Variants in CARS2 observed in about 807,000 individuals in gnomAD.
CARS2 encodes the protein cysteinyl-tRNA synthetase 2, mitochondrial.
CARS2 carries 52 observed loss-of-function variants against 68.8 expected under a neutral mutation model. The observed-to-expected ratio is 0.76, with a 90% CI of 0.61 to 0.95. CARS2 has a LOEUF of 0.95. Ranked by LOEUF, CARS2 falls within the 40% of genes least tolerant of loss-of-function variation. CARS2 has a pLI of 0.00. For synonymous variants in CARS2, 314 were observed against 303.6 expected (o/e 1.03, Z -0.36); for missense variants, 780 against 754.2 (o/e 1.03, Z -0.40).
chr13:110,712,747 G>C (rs759190338), intron 1 of CARS2: 1 of 701,196 alleles, frequency 1.4e-6, no homozygotes, highest in Non-Finnish European at 2.6e-6. Flanking sequence ...CTCCGAGAAC[G>C]GTGTCCATGA....
chr13:110,692,964 G>C (rs890796973), intron 3 of CARS2, among the ~76,000 whole-genome samples: 8 of 151,706 alleles, frequency 5.3e-5, no homozygotes, highest in Admixed American at 3.9e-4. Flanking sequence ...ACAAAAATTA[G>C]CTGGGTGTGG....
chr13:110,647,611 G>C (rs924433002), intron 10 of CARS2, among the ~76,000 whole-genome samples: 3 of 116,374 alleles, frequency 2.6e-5, no homozygotes, highest in Non-Finnish European at 5.1e-5. Context: ...CTGGAAAGAG[G>C]GAGCCCCGCC....
chr13:110,712,477 A>C, intron 1 of CARS2: 1 of 210,178 alleles, frequency 4.8e-6, no homozygotes, highest in Non-Finnish European at 9.8e-6. Flanking sequence ...GCCAGGCGGG[A>C]AGTGCACAAA....
intron 9 of CARS2, 32 bp downstream of exon 9, chr13:110,663,419 A>T: frequency 6.3e-7 from 1 of 1,599,806 alleles, no homozygotes; most frequent in Admixed American, 1.8e-5. Flanking sequence ...AGCTATCGGC[A>T]CCTCAGAGAT....
intron 11 of CARS2, 45 bp from the exon 12 acceptor site, chr13:110,646,135 C>T (rs895092708): frequency 6.3e-7 from 1 of 1,583,486 alleles, no homozygotes; most frequent in Non-Finnish European, 8.6e-7. Context: ...GAGCTCCACT[C>T]TCCCCAGGCG....
In CARS2 at chr13:110,665,538, G is replaced by A. The variant is rs536727688; in HGVS notation, c.919+1802C>T. On this transcript the variant is annotated intron_variant, in intron 8 of 14. Transcript: ENST00000257347. This position sits in a 1 kb window ranked among gnomAD's most constrained non-coding sequence, Gnocchi z 4.3. ...GCCCCTCCTCATTACCTGACAGGAC[G>A]AAGCGTTGGCACAGCTAAGGCTGCC... 1.8e-5 allele frequency: 18 copies of A among 985,496 alleles called. No individual in the cohort carries two copies. The highest frequency in any genetic ancestry group is 1.1e-4 in the East Asian group (1 of 8,820). 61.0% of individuals were successfully genotyped at this position (985,496 alleles called of 1,614,324 possible).
chr13:110,657,138 T>C (rs186065582), intron 9 of CARS2, among the ~76,000 whole-genome samples: 13 of 120,192 alleles, frequency 1.1e-4, no homozygotes, highest in Non-Finnish European at 2.0e-4. Flanking sequence ...AAAGTTGATA[T>C]GCTCTTATGT....
chr13:110,652,850 T>C (rs1240827774), intron 9 of CARS2, among the ~76,000 whole-genome samples: 1 of 152,154 alleles, frequency 6.6e-6, no homozygotes, highest in Non-Finnish European at 1.5e-5. Context: ...TATGTGTTTA[T>C]TTCTGCCAGC....
chr13:110,713,090 G>C lies in CARS2; in HGVS notation n.399+47C>G, dbSNP rs554664233. ...GGCCCTCCCCTTCCTTCCGCCTCCC[G>C]GAGGACTTGGGTTTCTAGTAGTAAG... On this transcript the variant is annotated intron_variant and non_coding_transcript_variant, in intron 1 of 2. Transcript: ENST00000485188. 1.5e-5 allele frequency: 21 copies of C among 1,440,752 alleles called. No individual in the cohort carries two copies. The South Asian group carries it at 1.6e-4, about 11-fold the overall frequency. The allele number at this position is 1,440,752 out of a possible 1,614,324, so 89.2% of individuals were successfully genotyped here.
chr13:110,700,352 C>T (rs1180474625), intron 3 of CARS2, among the ~76,000 whole-genome samples: 1 of 152,192 alleles, frequency 6.6e-6, no homozygotes, highest in East Asian at 1.9e-4. Flanking sequence ...GTCACCCACA[C>T]CAGCGCACTG....
At chr13:110,667,512 A>G (rs1231950413) in intron 7 of CARS2, 39 bp from the exon 8 acceptor site, 1 of 1,595,790 alleles carries the variant, frequency 6.3e-7, no homozygotes, top group South Asian at 1.1e-5. Flanking sequence ...TCATTCAATC[A>G]AGCAACATAT....
In CARS2 at chr13:110,653,213, GTT is replaced by G. The variant is rs1491347718; in HGVS notation, c.988-2115_988-2114del. Among the ~76,000 whole-genome samples the G allele has an allele frequency of 1.3e-5, 2 of 151,192 alleles. No homozygotes were observed. The highest frequency in any genetic ancestry group is 6.6e-5 in the Admixed American group (1 of 15,192). On this transcript the variant is annotated intron_variant, in intron 9 of 14. Transcript: ENST00000257347. This position sits in a 1 kb window ranked among gnomAD's most constrained non-coding sequence, Gnocchi z 5.6. ...GGGGCTGGGGTATGTGTGTGTGTGT[GTT>G]TGTGTGTGTGTGTGTGAAGAGCCCC...
At chr13:110,708,250 T>C (rs945657267), upstream of CARS2, among the ~76,000 whole-genome samples, 2 of 152,238 alleles carry the variant, frequency 1.3e-5, no homozygotes, top group Non-Finnish European at 1.5e-5. Flanking sequence ...AAGGGATTAA[T>C]TGTGCAGGTG....
chr13:110,709,342 C>T (rs904319084), upstream of CARS2, among the ~76,000 whole-genome samples: 2 of 152,072 alleles, frequency 1.3e-5, no homozygotes, highest in East Asian at 1.9e-4. Flanking sequence ...GATCCGCCCA[C>T]CTCGGTCTCT....
chr13:110,661,023 G>T (rs1322293254), intron 9 of CARS2, among the ~76,000 whole-genome samples: 1 of 152,154 alleles, frequency 6.6e-6, no homozygotes. Context: ...GCCTCCCAAA[G>T]TGCTGGGATT....
At position 110,644,433 on chromosome 13, in the gene CARS2, G is replaced by T. The variant is rs1422936298; in HGVS notation, c.1368C>A (p.Tyr456Ter). The T allele has an allele frequency of 6.2e-7, 1 of 1,614,080 alleles. No homozygotes were observed. Among genetic ancestry groups the T allele is most frequent in the East Asian group, 2.2e-5 (1 of 44,884 alleles). ...SPAVFGAIIS[Y>*]FEQFFETVGI... ...CAACAGTTTCAAAAAACTGTTCAAA[G>T]TAAGAGATGATGGCACCAAACACAG... The change falls in exon 13 of 15, where the codon TAC becomes TAA. Residue 456 changes from tyrosine (Y) to a stop codon, truncating the protein, a stop_gained. Coordinates refer to ENST00000257347, the MANE Select transcript of CARS2 (RefSeq NM_024537.4). LOFTEE classifies it high-confidence loss of function.
Position 110,700,005 on chromosome 13 carries a change from C to T in CARS2, c.393+1433G>A, listed in dbSNP as rs139743026. 1.4e-4 allele frequency among the ~76,000 whole-genome samples: 22 copies of T among 152,354 alleles called. No homozygotes were observed. The East Asian group carries it at 3.1e-3, about 21-fold the overall frequency. ...AGACTTCTGCTACCCGCCACAAGTGCGCAGGCCATTCCCACCTGGCAGGGG... is the reference window on the plus strand; with the variant it reads ...AGACTTCTGCTACCCGCCACAAGTGTGCAGGCCATTCCCACCTGGCAGGGG... On this transcript the variant is annotated intron_variant, in intron 3 of 14. Transcript: ENST00000257347.
At chr13:110,678,814 A>G (rs1335513858) in intron 6 of CARS2, among the ~76,000 whole-genome samples, 1 of 152,152 alleles carries the variant, frequency 6.6e-6, no homozygotes, top group Non-Finnish European at 1.5e-5. Context: ...AACAACAGGG[A>G]AAAAGCGGAC....
rs774219056 is a variant in CARS2 at position 110,695,728 on chromosome 13, T to TA, written c.393+5709_393+5710insT. Reference sequence around the variant, plus strand: ...AAAAGGTAAAGAAGAAAAATAAAAGTTTTAATTTTACCTTCAAAAAAGTTT... The same window carrying TA: ...AAAAGGTAAAGAAGAAAAATAAAAGTATTTAATTTTACCTTCAAAAAAGTTT... On this transcript the variant is annotated intron_variant, in intron 3 of 14. Coordinates refer to ENST00000257347, the MANE Select transcript of CARS2 (RefSeq NM_024537.4). Among the ~76,000 whole-genome samples the TA allele has an allele frequency of 1.8e-4, 28 of 152,116 alleles. No individual in the cohort carries two copies. The South Asian group carries it at 5.8e-3, about 32-fold the overall frequency.
Sources: allele counts gnomAD v4.1 joint callset (sites outside exome capture counted in the v4.1 genomes callset), GRCh38; gene constraint gnomAD v4.1.1; non-coding constraint Gnocchi (gnomAD v3.1); transcripts MANE v1.5; gene names NCBI Gene and HGNC (gene_info 2026-07-23, HGNC 2026-07-21).